The following SLC24A2 variants were observed in gnomAD, a reference collection of about 807,000 sequenced individuals.
SLC24A2 encodes solute carrier family 24 member 2, also known as sodium/potassium/calcium exchanger 2.
Under a neutral mutation model 62.0 loss-of-function variants are expected in SLC24A2, and 36 were observed. That is an observed-to-expected ratio of 0.58 (90% CI 0.44 to 0.77). The LOEUF is 0.77. SLC24A2 is among the 30% of genes least tolerant of loss of function. The pLI is 0.00. For synonymous variants in SLC24A2, 358 were observed against 294.0 expected (o/e 1.22, Z -2.23); for missense variants, 846 against 817.9 (o/e 1.03, Z -0.42).
At chr9:20,273,417 C>A in the SLC24A2 span, among the ~76,000 whole-genome samples, 1 of 152,194 alleles carries the variant, frequency 6.6e-6, no homozygotes, top group African/African-American at 2.4e-5. Flanking sequence ...CATGTCCCCA[C>A]CCAAATCTCA....
the SLC24A2 span, among the ~76,000 whole-genome samples, chr9:20,248,114 T>G: frequency 2.0e-5 from 3 of 152,210 alleles, no homozygotes; most frequent in Admixed American, 6.5e-5. Context: ...TTAAACTCAA[T>G]GCCTCTGAGA....
chr9:19,643,560 T>A (rs1818562319), intron 2 of SLC24A2, among the ~76,000 whole-genome samples: 1 of 152,186 alleles, frequency 6.6e-6, no homozygotes, highest in African/African-American at 2.4e-5. Flanking sequence ...TGTCAGATGA[T>A]GGAGAAGGGC....
chr9:19,529,730 A>G (rs892170453), intron 8 of SLC24A2, among the ~76,000 whole-genome samples: 13 of 151,224 alleles, frequency 8.6e-5, no homozygotes, highest in Non-Finnish European at 1.6e-4. Flanking sequence ...TCATTTTTTT[A>G]AAGTGGAGTT....
the SLC24A2 span, among the ~76,000 whole-genome samples, chr9:20,172,062 C>T: frequency 8.4e-4 from 128 of 152,074 alleles, no homozygotes; most frequent in African/African-American, 3.0e-3. Flanking sequence ...CCAAAAGGAG[C>T]CTTCAAAACC....
chr9:19,718,594 A>G (rs1033436652), intron 2 of SLC24A2, among the ~76,000 whole-genome samples: 1 of 151,734 alleles, frequency 6.6e-6, no homozygotes, highest in Non-Finnish European at 1.5e-5. Context: ...TACAGGCATG[A>G]GCCACTGCGC....
chr9:19,789,536 G>C (rs2118960136), upstream of SLC24A2, among the ~76,000 whole-genome samples: 1 of 152,338 alleles, frequency 6.6e-6, no homozygotes. Flanking sequence ...CAGTCTTGCA[G>C]GGTGACCTTT....
At chr9:19,961,909 G>A in the SLC24A2 span, among the ~76,000 whole-genome samples, 1 of 152,126 alleles carries the variant, frequency 6.6e-6, no homozygotes, top group Non-Finnish European at 1.5e-5. Context: ...TGTAGTCCCA[G>A]CCAACAGATA....
At chr9:19,909,348 C>T in the SLC24A2 span, among the ~76,000 whole-genome samples, 10 of 150,286 alleles carry the variant, frequency 6.7e-5, no homozygotes, top group East Asian at 6.0e-4. Flanking sequence ...ACGGGGAGGG[C>T]GGAGGGATAG....
At chr9:19,713,019 G>T (rs1481907101) in intron 2 of SLC24A2, among the ~76,000 whole-genome samples, 1 of 152,096 alleles carries the variant, frequency 6.6e-6, no homozygotes, top group Non-Finnish European at 1.5e-5. Flanking sequence ...TCTGTACTCA[G>T]ATGTCACCTC....
the SLC24A2 span, among the ~76,000 whole-genome samples, chr9:19,998,517 CA>C: frequency 2.0e-5 from 3 of 152,192 alleles, no homozygotes; most frequent in Non-Finnish European, 4.4e-5. Flanking sequence ...CAGCCCCCAG[CA>C]ATAAATATTA....
At chr9:19,873,002 A>C in the SLC24A2 span, among the ~76,000 whole-genome samples, 1 of 152,150 alleles carries the variant, frequency 6.6e-6, no homozygotes, top group Non-Finnish European at 1.5e-5. Context: ...GTTAGGTAAG[A>C]AGAAGAAGAA....
At chr9:19,926,571 G>T in the SLC24A2 span, 3 of 150,084 alleles carry the variant, frequency 2.0e-5, no homozygotes, top group Non-Finnish European at 4.4e-5. Flanking sequence ...GTTTATGCAG[G>T]TATAAAAAAA....
chr9:19,522,219 T>C (rs1327334524), intron 9 of SLC24A2, among the ~76,000 whole-genome samples: 1 of 152,130 alleles, frequency 6.6e-6, no homozygotes, highest in Non-Finnish European at 1.5e-5. Flanking sequence ...AGGCTGGTCT[T>C]GAACTCTCGG....
the SLC24A2 span, among the ~76,000 whole-genome samples, chr9:19,864,992 G>C: frequency 7.9e-5 from 12 of 152,082 alleles, 1 homozygote; most frequent in African/African-American, 2.2e-4. Flanking sequence ...AAAGTTGCAG[G>C]ATACAAAAAT....
chr9:19,639,203 T>C (rs965179152), intron 2 of SLC24A2, among the ~76,000 whole-genome samples: 1 of 152,240 alleles, frequency 6.6e-6, no homozygotes, highest in Non-Finnish European at 1.5e-5. Flanking sequence ...CACTTTATTA[T>C]AGGTAATTGA....
the SLC24A2 span, among the ~76,000 whole-genome samples, chr9:19,832,033 T>C: frequency 6.6e-6 from 1 of 152,238 alleles, no homozygotes; most frequent in African/African-American, 2.4e-5. Context: ...GTGAAGTCTG[T>C]AGTAGTGCAA....
chr9:19,648,150 C>T (rs1818696330), intron 2 of SLC24A2, among the ~76,000 whole-genome samples: 2 of 152,166 alleles, frequency 1.3e-5, no homozygotes, highest in African/African-American at 4.8e-5. Context: ...AGACTAACAA[C>T]CCATTAAGGT....
chr9:20,092,341 G>A, the SLC24A2 span, among the ~76,000 whole-genome samples: 1 of 152,138 alleles, frequency 6.6e-6, no homozygotes, highest in Non-Finnish European at 1.5e-5. Flanking sequence ...ATATAAGCTT[G>A]GCCCAACTGT....
At chr9:20,002,190 T>C in the SLC24A2 span, among the ~76,000 whole-genome samples, 33 of 152,142 alleles carry the variant, frequency 2.2e-4, no homozygotes, top group African/African-American at 7.5e-4. Flanking sequence ...GGAAGAGTAA[T>C]AGTAATACCA....
Sources: gnomAD v4.1 joint callset for allele counts (sites outside exome capture counted in the v4.1 genomes callset) on GRCh38, gnomAD v4.1.1 for gene constraint, MANE v1.5 for transcripts, NCBI Gene and HGNC (gene_info 2026-07-23, HGNC 2026-07-21) for gene names.